Variants in RBFOX1 observed in about 807,000 individuals in gnomAD.
The protein encoded by RBFOX1 is RNA binding protein fox-1 homolog 1.
In RBFOX1, 8 loss-of-function variants were observed where a neutral mutation model predicts 57.7. That is an observed-to-expected ratio of 0.14 (90% CI 0.08 to 0.25). The LOEUF is 0.25. RBFOX1 is among the 10% of genes least tolerant of loss of function. The probability of loss-of-function intolerance (pLI) is 1.00; values close to 1 mark genes in which losing one functional copy is unlikely to be tolerated. For synonymous variants in RBFOX1, 326 were observed against 222.4 expected, an observed-to-expected ratio of 1.47 and a Z score of -4.15; for missense variants, 611 against 548.5, an observed-to-expected ratio of 1.11 and a Z score of -1.14.
intron 1 of RBFOX1, among the ~76,000 whole-genome samples, chr16:6,165,899 A>G (rs1033567134): frequency 1.3e-5 from 2 of 152,194 alleles, no homozygotes; most frequent in East Asian, 3.9e-4. Context: ...CATGAAAAAG[A>G]GGGAGACGTC....
intron 3 of RBFOX1, among the ~76,000 whole-genome samples, chr16:6,980,867 A>G (rs1477396402): frequency 6.6e-6 from 1 of 151,638 alleles, no homozygotes; most frequent in Non-Finnish European, 1.5e-5. Flanking sequence ...ACATGTTGAA[A>G]CCCCATCTGT....
chr16:6,413,598 G>A (rs700327), intron 2 of RBFOX1, among the ~76,000 whole-genome samples: 30,315 of 152,084 alleles, frequency 0.2, 5,992 homozygotes, highest in African/African-American at 0.51. Flanking sequence ...CAAAACAATT[G>A]ACAGAGAAAG....
chr16:5,863,922 T>C (rs1597548043), intron 3 of RBFOX1, among the ~76,000 whole-genome samples: 1 of 152,318 alleles, frequency 6.6e-6, no homozygotes, highest in East Asian at 1.9e-4. Flanking sequence ...TTCTTTTAAC[T>C]TTTAAGCTCA....
At chr16:5,249,087 C>T (rs2062379653) in intron 1 of RBFOX1, among the ~76,000 whole-genome samples, 1 of 151,416 alleles carries the variant, frequency 6.6e-6, no homozygotes, top group Non-Finnish European at 1.5e-5. Flanking sequence ...GAAGAGGAAG[C>T]TTGGATTTCC....
intron 3 of RBFOX1, among the ~76,000 whole-genome samples, chr16:7,014,329 C>T (rs1368357836): frequency 2.0e-5 from 3 of 152,038 alleles, no homozygotes; most frequent in African/African-American, 4.8e-5. Flanking sequence ...CCTCCCACGT[C>T]AGCCTCCCTA....
At chr16:6,068,327 C>G (rs1414688814) in intron 1 of RBFOX1, among the ~76,000 whole-genome samples, 1 of 152,198 alleles carries the variant, frequency 6.6e-6, no homozygotes, top group East Asian at 1.9e-4. Flanking sequence ...TCTGTAACAA[C>G]TGTCTCAGTG....
intron 1 of RBFOX1, among the ~76,000 whole-genome samples, chr16:6,237,773 T>G (rs967513934): frequency 1.1e-4 from 17 of 151,574 alleles, no homozygotes; most frequent in African/African-American, 1.7e-4. Flanking sequence ...AAAATTAAAT[T>G]AAATGAAATT....
At chr16:7,622,723 T>C (rs2059498503) in intron 10 of RBFOX1, among the ~76,000 whole-genome samples, 2 of 152,262 alleles carry the variant, frequency 1.3e-5, no homozygotes, top group Non-Finnish European at 2.9e-5. Context: ...CCTTTAAATA[T>C]GGAAATCCCT....
intron 4 of RBFOX1, among the ~76,000 whole-genome samples, chr16:7,492,956 G>T (rs1390160872): frequency 6.6e-6 from 1 of 152,136 alleles, no homozygotes; most frequent in Non-Finnish European, 1.5e-5. Context: ...TCAGCTCACT[G>T]CAACCTCCGC....
At position 7,477,264 on chromosome 16, in the gene RBFOX1, G is replaced by A. The variant is rs181525733; in HGVS notation, c.28-40883G>A. On this transcript the variant is annotated intron_variant, in intron 4 of 15. Coordinates refer to ENST00000550418, the MANE Select transcript of RBFOX1 (RefSeq NM_018723.4). ...CGATGCAAATATGGTTCATCCACCG[G>A]CAATGAGACACAGGCTTATTATTTC... Among the ~76,000 whole-genome samples the A allele has an allele frequency of 5.9e-5, 9 of 152,204 alleles. No homozygotes were observed. The East Asian group carries it at 1.5e-3, about 26-fold the overall frequency.
In RBFOX1 at chr16:5,999,906, AAGAGT is replaced by A. The variant is rs1567239271; in HGVS notation, c.351+132572_351+132576del. 1.4e-4 allele frequency among the ~76,000 whole-genome samples: 5 copies of A among 35,034 alleles called. 1 individual carries two copies. The highest frequency in any genetic ancestry group is 1.1e-3 in the East Asian group (2 of 1,874). 23.0% of individuals were successfully genotyped at this position (35,034 alleles called of 152,430 possible). On this transcript the variant is annotated intron_variant, in intron 4 of 19. Coordinates refer to the RBFOX1 transcript ENST00000641259. Reference sequence around the variant, plus strand: ...AAAAAAAAAAAAAAAAAAAAAAAAAAAGAGTGAAGAAGGGAAATCAGACAAGGAAA... The same window carrying A: ...AAAAAAAAAAAAAAAAAAAAAAAAAAGAAGAAGGGAAATCAGACAAGGAAA...
intron 3 of RBFOX1, among the ~76,000 whole-genome samples, chr16:5,844,735 G>A (rs1168672197): frequency 1.3e-5 from 2 of 152,122 alleles, no homozygotes; most frequent in Non-Finnish European, 2.9e-5. Context: ...TTTTGAAGTG[G>A]AATAAAAAGA....
intron 2 of RBFOX1, among the ~76,000 whole-genome samples, chr16:5,570,581 T>A (rs745708531): frequency 6.6e-6 from 1 of 152,176 alleles, no homozygotes; most frequent in Admixed American, 6.5e-5. Context: ...GGTTCACGCC[T>A]GTAATCCCAG....
chr16:5,717,840 A>T (rs1475231619), intron 3 of RBFOX1, among the ~76,000 whole-genome samples: 3 of 152,226 alleles, frequency 2.0e-5, no homozygotes, highest in Non-Finnish European at 4.4e-5. Flanking sequence ...TATGTCAGAT[A>T]GATAGGTATT....
chr16:7,501,953 C>T (rs946400220), intron 4 of RBFOX1, among the ~76,000 whole-genome samples: 22 of 152,206 alleles, frequency 1.4e-4, no homozygotes, highest in African/African-American at 4.8e-4. Flanking sequence ...TGACATCCAA[C>T]AGATACTCAA....
chr16:6,369,407 T>C (rs1171303846), intron 2 of RBFOX1, among the ~76,000 whole-genome samples: 1 of 152,140 alleles, frequency 6.6e-6, no homozygotes, highest in African/African-American at 2.4e-5. Context: ...AAAGGAGGCA[T>C]TGTTTGAGAA....
At chr16:5,284,532 A>AT (rs35257404) in intron 1 of RBFOX1, among the ~76,000 whole-genome samples, 1,437 of 59,498 alleles carry the variant, frequency 0.024, 49 homozygotes, top group African/African-American at 0.049. Flanking sequence ...TCTGGGAAAT[A>AT]TTTTTTCTTT....
At chr16:6,780,383 A>G (rs1229106169) in intron 3 of RBFOX1, among the ~76,000 whole-genome samples, 3 of 90,878 alleles carry the variant, frequency 3.3e-5, no homozygotes, top group Admixed American at 1.6e-4. Context: ...ATATATTTAT[A>G]CATATTATAT....
At chr16:5,372,069 G>A (rs1354032602) in intron 1 of RBFOX1, among the ~76,000 whole-genome samples, 7 of 152,278 alleles carry the variant, frequency 4.6e-5, no homozygotes, top group East Asian at 3.9e-4. Flanking sequence ...TGTCCATGCC[G>A]GCTTCAGATA....
Sources: gnomAD v4.1 joint callset for allele counts (sites outside exome capture counted in the v4.1 genomes callset) on GRCh38, gnomAD v4.1.1 for gene constraint, MANE v1.5 for transcripts, NCBI Gene and HGNC (gene_info 2026-07-23, HGNC 2026-07-21) for gene names.